The following ZSCAN29 variants were observed in gnomAD, a reference collection of about 807,000 sequenced individuals.
ZSCAN29 encodes the protein zinc finger and SCAN domain-containing protein 29.
A neutral mutation model predicts 71.9 loss-of-function variants in ZSCAN29; 55 were observed. The ratio of observed to expected loss-of-function variants is 0.76; its 90% CI spans 0.62 to 0.96. The LOEUF (loss-of-function observed/expected upper bound fraction) is 0.96. ZSCAN29 is among the 40% of genes least tolerant of loss of function. ZSCAN29 has a pLI of 0.00. For missense variants in ZSCAN29, 1,042 were observed against 1,042.2 expected (o/e 1.00, Z 0.00); for synonymous variants, 351 against 371.6 (o/e 0.94, Z 0.64).
chr15:43,367,701 C>T (rs534541323), intron 3 of ZSCAN29, among the ~76,000 whole-genome samples: 2 of 152,156 alleles, frequency 1.3e-5, no homozygotes, highest in Non-Finnish European at 2.9e-5. Flanking sequence ...AGGATAGGCA[C>T]ATTTTCTTAT....
In ZSCAN29 at chr15:43,366,216, T is replaced by C. The variant is rs1270019590; in HGVS notation, c.1116A>G (p.Gly372=). 6.2e-7 allele frequency: 1 copy of C among 1,613,396 alleles called. No homozygotes were observed. The change falls in exon 4 of 6, where the codon GGA becomes GGG. Residue 372 remains glycine (G), a synonymous_variant. Transcript: ENST00000684362. ...ACTCCTGAGCCACAGCCTCTTCTGCTCCCTCCTCATGCTGCCAGCCCCTCT... is the reference window on the plus strand; with the variant it reads ...ACTCCTGAGCCACAGCCTCTTCTGCCCCCTCCTCATGCTGCCAGCCCCTCT... ...PGQRGWQHEE[G]AEEAVAQESD...
chr15:43,370,992 G>GGCCCCGGCCCCT lies in ZSCAN29; in HGVS notation c.-548_-547insAGGGGCCGGGGC, dbSNP rs1312227378. The GGCCCCGGCCCCT allele has an allele frequency of 6.3e-6, 2 of 319,356 alleles. No individual in the cohort carries two copies. Among genetic ancestry groups the GGCCCCGGCCCCT allele is most frequent in the Non-Finnish European group, 1.2e-5 (2 of 166,824 alleles). 19.8% of individuals were successfully genotyped at this position (319,356 alleles called of 1,614,324 possible). A position where few individuals can be genotyped will look rare whatever the true frequency, so the allele number is the denominator to read the frequency against. ...CGACCCTGACCCCGGCCCCGGCCCC[G>GGCCCCGGCCCCT]GCCCCGGCCCCGGCTCTCCAGCCTC... On this transcript the variant is annotated 5_prime_UTR_variant, in exon 1 of 6. Coordinates refer to ENST00000684362, the MANE Select transcript of ZSCAN29 (RefSeq NM_001372080.1).
chr15:43,369,015 C>T lies in ZSCAN29; in HGVS notation c.431G>A (p.Gly144Asp). 1 of 1,613,022 alleles carries T rather than the reference C, an allele frequency of 6.2e-7. No homozygotes were observed. The highest frequency in any genetic ancestry group is 8.5e-7 in the Non-Finnish European group (1 of 1,179,560). ...TCTTGCCCTCTCTTTCTTGGGTACA[C>T]CCCTGGGCTGGGGTTCCACTGACTC... ...RQESVEPQPRGVPKKERARSP... is the reference protein window; with the variant it reads ...RQESVEPQPRDVPKKERARSP... Residue 144 changes from glycine (G) to aspartate (D), a missense_variant, in exon 3 of 6, where the codon GGT becomes GAT. Physicochemically the swap from Gly to Asp is moderately conservative, Grantham distance 94 (BLOSUM62 -1). Transcript: ENST00000684362.
At position 43,366,067 on chromosome 15, in the gene ZSCAN29, C is replaced by A. The variant is rs1353801478; in HGVS notation, c.1222+43G>T. On this transcript the variant is annotated intron_variant, in intron 4 of 5. Coordinates refer to ENST00000684362, the MANE Select transcript of ZSCAN29 (RefSeq NM_001372080.1). Reference sequence around the variant, plus strand: ...TGACTCCACATCCAGTCTCTTTGTTCCCCAAGTCTAATTCCAAAACTCCAA... The same window carrying A: ...TGACTCCACATCCAGTCTCTTTGTTACCCAAGTCTAATTCCAAAACTCCAA... The A allele has an allele frequency of 3.2e-6, 5 of 1,544,562 alleles. No homozygotes were observed. In the African/African-American group the frequency reaches 6.9e-5, roughly 21 times the overall value.
chr15:43,368,836 C>G, intron 3 of ZSCAN29, 87 bp downstream of exon 3: 5 of 1,271,580 alleles, frequency 3.9e-6, no homozygotes, highest in Non-Finnish European at 5.4e-6. Context: ...CCACTTACTC[C>G]TGAAATCCCT....
chr15:43,364,019 G>C lies in ZSCAN29; in HGVS notation c.1586C>G (p.Ala529Gly), dbSNP rs139243405. 250 of 1,614,042 alleles carry C rather than the reference G, an allele frequency of 1.5e-4. No homozygotes were observed. Among genetic ancestry groups the C allele is most frequent in the Non-Finnish European group, 2.1e-4 (246 of 1,180,048 alleles). The part of the protein sequence containing the change: ...EAEAQKQAEE[A>G]DEATEEDSDD... ...AGAATCTTCCTCTGTGGCCTCGTCT[G>C]CTTCCTCAGCTTGCTTCTGAGCTTC... The change falls in exon 5 of 6, where the codon GCA (alanine) becomes GGA (glycine). Residue 529 changes from alanine (A) to glycine (G), a missense_variant. Ala to Gly is a moderately conservative substitution (Grantham distance 60). Coordinates refer to ENST00000684362, the MANE Select transcript of ZSCAN29 (RefSeq NM_001372080.1).
At position 43,360,019 on chromosome 15, in the gene ZSCAN29, G is replaced by A. The variant is rs568423987; in HGVS notation, c.*1054C>T. On this transcript the variant is annotated 3_prime_UTR_variant, in exon 6 of 6. Transcript: ENST00000684362. ...TTTGAGCACAGGTTTAAGTGAGCAG[G>A]AAGAGTCATTCATTTTAGCATTTCC... The A allele has an allele frequency of 4.6e-5, 7 of 152,340 alleles. No homozygotes were observed. Among genetic ancestry groups the A allele is most frequent in the African/African-American group, 1.4e-4 (6 of 41,562 alleles). The allele number at this position is 152,340 out of a possible 1,614,324, so 9.4% of individuals were successfully genotyped here.
intron 2 of ZSCAN29, 169 bp from the exon 3 acceptor site, chr15:43,369,296 A>C: frequency 1.5e-6 from 1 of 663,692 alleles, no homozygotes; most frequent in East Asian, 3.0e-5. Context: ...ATTAGCTTAA[A>C]GCAGTTGAAA....
In ZSCAN29 at chr15:43,364,205, CT is replaced by C. The variant is rs2044013088; in HGVS notation, c.1399del (p.Ser467AlafsTer28). 1 of 1,614,092 alleles carries C rather than the reference CT, an allele frequency of 6.2e-7. No individual in the cohort carries two copies. Among genetic ancestry groups the C allele is most frequent in the African/African-American group, 1.3e-5 (1 of 74,920 alleles). ...TPEQCRTKFK[S>X]LQTSYRKVKN... ...AACTTTCCGATAGCTGGTTTGCAGGCTTTTAAACTTGGTCCGACACTGTTCT... is the reference window on the plus strand; with the variant it reads ...AACTTTCCGATAGCTGGTTTGCAGGCTTTAAACTTGGTCCGACACTGTTCT... On this transcript the variant is annotated frameshift_variant, in exon 5 of 6. Transcript: ENST00000684362. LOFTEE classifies it high-confidence loss of function.
chr15:43,367,534 C>G (rs911622003), intron 3 of ZSCAN29, among the ~76,000 whole-genome samples: 1 of 152,190 alleles, frequency 6.6e-6, no homozygotes, highest in Non-Finnish European at 1.5e-5. Flanking sequence ...CTCAAGAAGC[C>G]TTACCGTCAG....
At chr15:43,363,558 A>G (rs1174527373) in intron 5 of ZSCAN29, among the ~76,000 whole-genome samples, 2 of 152,254 alleles carry the variant, frequency 1.3e-5, no homozygotes, top group African/African-American at 4.8e-5. Context: ...ATAAAAGAGA[A>G]TGAACTTTTA....
chr15:43,363,721 A>C, intron 5 of ZSCAN29, 194 bp downstream of exon 5: 1 of 548,150 alleles, frequency 1.8e-6, no homozygotes. Context: ...TTGATGCTCT[A>C]GTGTGGGAAG....
In ZSCAN29 at chr15:43,359,512, T is replaced by G. The variant is rs2043960982; in HGVS notation, c.*1561A>C. The stretch of plus-strand genomic sequence containing the variant: ...AGCTCCACTGGCCAAAGATAATCCA[T>G]CTTCCCTGCCATTAGGGTAAAGGGC... On this transcript the variant is annotated 3_prime_UTR_variant, in exon 6 of 6. Transcript: ENST00000684362. 1 of 152,258 alleles carries G rather than the reference T, an allele frequency of 6.6e-6. No homozygotes were observed. Among genetic ancestry groups the G allele is most frequent in the African/African-American group, 2.4e-5 (1 of 41,468 alleles). 9.4% of individuals were successfully genotyped at this position (152,258 alleles called of 1,614,324 possible).
intron 5 of ZSCAN29, among the ~76,000 whole-genome samples, chr15:43,363,195 T>C (rs1233078703): frequency 6.6e-6 from 1 of 152,120 alleles, no homozygotes; most frequent in Admixed American, 6.5e-5. Flanking sequence ...GTCAGGCTGC[T>C]TTCCAACTCC....
rs1269158121 is a variant in ZSCAN29, at chr15:43,359,321, T to C, written c.*1752A>G. 1 of 152,270 alleles carries C rather than the reference T, an allele frequency of 6.6e-6. No homozygotes were observed. The highest frequency in any genetic ancestry group is 1.5e-5 in the Non-Finnish European group (1 of 68,052). 9.4% of individuals were successfully genotyped at this position (152,270 alleles called of 1,614,324 possible). A position where few individuals can be genotyped will look rare whatever the true frequency, so the allele number is the denominator to read the frequency against. ...CCATGTCAGTGTCATCTGCTTTAGA[T>C]TGTAAGGACAAGGAGAGGACCTGTT... On this transcript the variant is annotated 3_prime_UTR_variant, in exon 6 of 6. Coordinates refer to ENST00000684362, the MANE Select transcript of ZSCAN29 (RefSeq NM_001372080.1).
intron 3 of ZSCAN29, 64 bp downstream of exon 3, chr15:43,368,859 A>C: frequency 4.8e-6 from 7 of 1,445,466 alleles, no homozygotes; most frequent in Non-Finnish European, 6.5e-6. Context: ...CCCACTCACT[A>C]TTCCCAACCC....
At position 43,361,422 on chromosome 15, in the gene ZSCAN29, C is replaced by T; in HGVS notation, c.2210G>A (p.Gly737Asp). 3.7e-6 allele frequency: 6 copies of T among 1,613,680 alleles called. No individual in the cohort carries two copies. Among genetic ancestry groups the T allele is most frequent in the Non-Finnish European group, 5.1e-6 (6 of 1,179,888 alleles). The change falls in exon 6 of 6, where the codon GGT (glycine) becomes GAT (aspartate). Residue 737 changes from glycine to aspartate, a missense_variant. By Grantham distance (94) the Gly-to-Asp change is moderately conservative. Transcript: ENST00000684362. ...CTGATTGAAGCATTTCCCACACTCACCACATTGATAAGGTTTCTCTCCTGT... is the reference window on the plus strand; with the variant it reads ...CTGATTGAAGCATTTCCCACACTCATCACATTGATAAGGTTTCTCTCCTGT... ...IHTGEKPYQC[G>D]ECGKCFNQSS... is the part of the protein sequence containing the mutation.
At position 43,370,677 on chromosome 15, in the gene ZSCAN29, G is replaced by C. The variant is rs1201574180; in HGVS notation, c.-232C>G. The C allele has an allele frequency of 1.3e-5, 2 of 152,744 alleles. No homozygotes were observed. The highest frequency in any genetic ancestry group is 4.8e-5 in the African/African-American group (2 of 41,480). The allele number at this position is 152,744 out of a possible 1,614,324, so 9.5% of individuals were successfully genotyped here. On this transcript the variant is annotated 5_prime_UTR_variant, in exon 1 of 6. Coordinates refer to ENST00000684362, the MANE Select transcript of ZSCAN29 (RefSeq NM_001372080.1). ...GGAATCCGAGGAGCAGTAGTAACGG[G>C]CTTCCTGAGGACGGGCTCGGGTGTC...
chr15:43,364,931 TAATGAA>T (rs1488197902), intron 4 of ZSCAN29, among the ~76,000 whole-genome samples: 1 of 138,546 alleles, frequency 7.2e-6, no homozygotes, highest in African/African-American at 2.7e-5. Flanking sequence ...AGAACAATGA[TAATGAA>T]AATAACATTG....
Sources: allele counts gnomAD v4.1 joint callset (sites outside exome capture counted in the v4.1 genomes callset), GRCh38; gene constraint gnomAD v4.1.1; transcripts MANE v1.5; gene names NCBI Gene and HGNC (gene_info 2026-07-23, HGNC 2026-07-21).